LRRC74A: variants seen among roughly 807,000 people sequenced by gnomAD.
The protein encoded by LRRC74A is leucine rich repeat containing 74A, also known as leucine-rich repeat-containing protein 74A.
LRRC74A carries 44 observed loss-of-function variants against 57.9 expected under a neutral mutation model. That is an observed-to-expected ratio of 0.76 (90% CI 0.60 to 0.98). LRRC74A has a LOEUF of 0.98. LRRC74A is among the 50% of genes least tolerant of loss of function. The probability of loss-of-function intolerance (pLI) is 0.00; values close to 1 mark genes in which losing one functional copy is unlikely to be tolerated. For synonymous variants in LRRC74A, 211 were observed against 219.4 expected, an observed-to-expected ratio of 0.96 and a Z score of 0.34; for missense variants, 572 against 574.0, an observed-to-expected ratio of 1.00 and a Z score of 0.04.
At chr14:76,852,897 G>A (rs1476880973) in intron 8 of LRRC74A, among the ~76,000 whole-genome samples, 8 of 152,222 alleles carry the variant, frequency 5.3e-5, no homozygotes, top group South Asian at 2.1e-4. Context: ...GATTACAGGC[G>A]TGAGCCACTG....
At chr14:76,851,415 T>C (rs1238210621) in intron 7 of LRRC74A, among the ~76,000 whole-genome samples, 3 of 152,196 alleles carry the variant, frequency 2.0e-5, no homozygotes, top group Admixed American at 2.0e-4. Flanking sequence ...TGGAGTGCAA[T>C]GGCACCATCT....
chr14:76,850,861 A>G (rs137875403), intron 7 of LRRC74A, among the ~76,000 whole-genome samples: 65 of 96,550 alleles, frequency 6.7e-4, no homozygotes, highest in Admixed American at 1.0e-3. Context: ...AAAAAAAAAA[A>G]AAAGAAAGAA....
intron 5 of LRRC74A, among the ~76,000 whole-genome samples, chr14:76,841,362 G>A (rs1896757569): frequency 6.6e-6 from 1 of 152,214 alleles, no homozygotes; most frequent in Non-Finnish European, 1.5e-5. Context: ...TTTCGTGTGT[G>A]AGTGGGCAAA....
rs926120 is a variant in LRRC74A at position 76,826,649 on chromosome 14, C to G, written c.-49C>G. 1 of 1,603,032 alleles carries G rather than the reference C, an allele frequency of 6.2e-7. No homozygotes were observed. Among genetic ancestry groups the G allele is most frequent in the South Asian group, 1.1e-5 (1 of 88,986 alleles). On this transcript the variant is annotated 5_prime_UTR_variant, in exon 1 of 14. Coordinates refer to ENST00000689127, the MANE Select transcript of LRRC74A (RefSeq NM_001385106.1). ...CAGGTGTGCTTCTTAGGGAAGCAGTCGAGAGGTGGCAAGAAGTTGGCAGCT... is the reference window on the plus strand; with the variant it reads ...CAGGTGTGCTTCTTAGGGAAGCAGTGGAGAGGTGGCAAGAAGTTGGCAGCT...
chr14:76,852,559 C>A, intron 8 of LRRC74A, 109 bp downstream of exon 8: 1 of 692,808 alleles, frequency 1.4e-6, no homozygotes, highest in South Asian at 2.2e-5. Context: ...TGAGGGCATA[C>A]TGGGCTCTCA....
chr14:76,837,941 A>C lies in LRRC74A; in HGVS notation c.514A>C (p.Ser172Arg), dbSNP rs182417708. The C allele has an allele frequency of 4.4e-6, 7 of 1,583,782 alleles. No individual in the cohort carries two copies. The highest frequency in any genetic ancestry group is 6.0e-6 in the Non-Finnish European group (7 of 1,163,310). Residue 172 changes from serine (S) to arginine (R), a missense_variant, in exon 5 of 14, where the codon AGT becomes CGT. Physicochemically the swap from Ser to Arg is moderately radical, Grantham distance 110. Coordinates refer to ENST00000689127, the MANE Select transcript of LRRC74A (RefSeq NM_001385106.1). ...CATCTCAGATTTCTTTGAGAGAAAC[A>C]GTTCTTCTATCTGGAGCCTTGAGCT... ...RIISDFFERN[S>R]SSIWSLELSG...
intron 10 of LRRC74A, among the ~76,000 whole-genome samples, chr14:76,859,662 C>CTTTTTTTTTTTTTTT (rs1025552496): frequency 1.5e-4 from 12 of 80,896 alleles, no homozygotes; most frequent in Non-Finnish European, 1.6e-4. Flanking sequence ...CTGAATTAGC[C>CTTTTTTTTTTTTTTT]TTTTTTTTTT....
intron 2 of LRRC74A, among the ~76,000 whole-genome samples, chr14:76,829,480 C>T (rs1566713922): frequency 6.6e-6 from 1 of 152,228 alleles, no homozygotes; most frequent in Non-Finnish European, 1.5e-5. Context: ...ACTTCATTCA[C>T]ATGGTTGGAG....
chr14:76,863,106 G>A (rs968344061), intron 11 of LRRC74A, among the ~76,000 whole-genome samples: 2 of 152,090 alleles, frequency 1.3e-5, no homozygotes, highest in African/African-American at 4.8e-5. Flanking sequence ...AAGGGCAGAT[G>A]TAAGAGCTAT....
chr14:76,829,117 GA>G, intron 2 of LRRC74A: 1 of 1,289,400 alleles, frequency 7.8e-7, no homozygotes, highest in Non-Finnish European at 1.0e-6. Context: ...AGCACCGAAA[GA>G]GAACACTTGT....
In LRRC74A at chr14:76,853,269, G is replaced by C. The variant is rs757457923; in HGVS notation, c.816G>C (p.Glu272Asp). The change falls in exon 9 of 14, where the codon GAG becomes GAC. Residue 272 changes from glutamate to aspartate, a missense_variant. Coordinates refer to ENST00000689127, the MANE Select transcript of LRRC74A (RefSeq NM_001385106.1). Reference protein sequence around the residue: ...LDLSMNGFGNEVALALGEVLR... With the variant: ...LDLSMNGFGNDVALALGEVLR... ...TCTCCATGAATGGCTTTGGGAATGA[G>C]GTGGCTCTGGCCCTAGGGGAAGTCC... is the stretch of plus-strand genomic sequence containing the variant. 44 of 1,613,688 alleles carry C rather than the reference G, an allele frequency of 2.7e-5. No homozygotes were observed. Among genetic ancestry groups the C allele is most frequent in the Non-Finnish European group, 3.6e-5 (43 of 1,179,602 alleles).
At chr14:76,856,529 TGGA>T (rs1397840912) in intron 9 of LRRC74A, among the ~76,000 whole-genome samples, 1 of 150,832 alleles carries the variant, frequency 6.6e-6, no homozygotes, top group Non-Finnish European at 1.5e-5. Context: ...GATGGATGGA[TGGA>T]TGGATGGATG....
intron 5 of LRRC74A, among the ~76,000 whole-genome samples, chr14:76,840,508 T>C (rs1171788286): frequency 6.6e-6 from 1 of 152,152 alleles, no homozygotes; most frequent in Non-Finnish European, 1.5e-5. Flanking sequence ...ATCTTTATCA[T>C]GTATTAAACT....
At chr14:76,850,448 G>A (rs991110241) in intron 7 of LRRC74A, among the ~76,000 whole-genome samples, 1 of 151,302 alleles carries the variant, frequency 6.6e-6, no homozygotes, top group Non-Finnish European at 1.5e-5. Flanking sequence ...GGAGGGGAGG[G>A]GGTAATGAAG....
At chr14:76,869,919 C>T (rs73307837) in intron 13 of LRRC74A, among the ~76,000 whole-genome samples, 74 of 152,244 alleles carry the variant, frequency 4.9e-4, no homozygotes, top group African/African-American at 1.7e-3. Flanking sequence ...GCCTTTCCCA[C>T]ATACTTATAA....
intron 12 of LRRC74A, among the ~76,000 whole-genome samples, chr14:76,866,949 GGTGTGTGTGTGT>G (rs144836195): frequency 0.93 from 12,776 of 13,782 alleles, 6,083 homozygotes; most frequent in Middle Eastern, 1. Flanking sequence ...AGGTGTGTGG[GGTGTGTGTGTGT>G]GTGTGTGTGT....
intron 13 of LRRC74A, among the ~76,000 whole-genome samples, 177 bp from the exon 14 acceptor site, chr14:76,869,948 G>T (rs550054330): frequency 6.6e-6 from 1 of 152,042 alleles, no homozygotes; most frequent in South Asian, 2.1e-4. Context: ...GTGTGCACAC[G>T]CACACACATG....
intron 1 of LRRC74A, among the ~76,000 whole-genome samples, chr14:76,827,352 C>T (rs1041998864): frequency 6.6e-6 from 1 of 152,130 alleles, no homozygotes; most frequent in East Asian, 1.9e-4. Context: ...CCCCACCATC[C>T]TAGAATCTGG....
rs190826110 is a variant in LRRC74A at position 76,828,184 on chromosome 14, G to A, written c.38-107G>A. 42 of 1,409,570 alleles carry A rather than the reference G, an allele frequency of 3.0e-5. No homozygotes were observed. In the African/African-American group the frequency reaches 5.7e-4, roughly 19 times the overall value. The allele number at this position is 1,409,570 out of a possible 1,614,324, so 87.3% of individuals were successfully genotyped here. On this transcript the variant is annotated intron_variant, in intron 1 of 13. Transcript: ENST00000689127. The stretch of plus-strand genomic sequence containing the variant: ...GCAGGGCTTGGCACCTTGAGGACCT[G>A]GGACTCAGAGGAAGGGAGCAGAGAT...
Sources: gnomAD v4.1 joint callset for allele counts (sites outside exome capture counted in the v4.1 genomes callset) on GRCh38, gnomAD v4.1.1 for gene constraint, MANE v1.5 for transcripts, NCBI Gene and HGNC (gene_info 2026-07-23, HGNC 2026-07-21) for gene names.